TLK2: variants seen among roughly 807,000 people sequenced by gnomAD.
TLK2 encodes tousled like kinase 2, also known as serine/threonine-protein kinase tousled-like 2.
A neutral mutation model predicts 117.3 loss-of-function variants in TLK2; 6 were observed. That is an observed-to-expected ratio of 0.05 (90% CI 0.03 to 0.10). The LOEUF is 0.10. TLK2 is among the 10% of genes least tolerant of loss of function. The probability of loss-of-function intolerance (pLI) is 1.00; values close to 1 mark genes in which losing one functional copy is unlikely to be tolerated. For missense variants in TLK2, 299 were observed against 901.2 expected, an observed-to-expected ratio of 0.33 and a Z score of 8.56; for synonymous variants, 257 against 316.7, an observed-to-expected ratio of 0.81 and a Z score of 2.00.
At chr17:62,575,675 T>TTC (rs1052693731) in intron 12 of TLK2, among the ~76,000 whole-genome samples, 7 of 151,784 alleles carry the variant, frequency 4.6e-5, no homozygotes, top group Non-Finnish European at 1.0e-4. Context: ...CTTTCTGTCT[T>TTC]TCTCTCTCTC....
At chr17:62,547,566 T>G (rs1014683491) in intron 7 of TLK2, among the ~76,000 whole-genome samples, 3 of 152,212 alleles carry the variant, frequency 2.0e-5, no homozygotes, top group Admixed American at 2.0e-4. Flanking sequence ...GATTTTCTGC[T>G]TCCCAACTGA....
intron 2 of TLK2, among the ~76,000 whole-genome samples, chr17:62,519,293 C>T (rs1017917106): frequency 3.3e-5 from 5 of 152,176 alleles, no homozygotes; most frequent in Non-Finnish European, 5.9e-5. Context: ...TTCTTTCCCT[C>T]GTTGAATTGT....
At chr17:62,578,165 T>C (rs1046486355) in intron 13 of TLK2, among the ~76,000 whole-genome samples, 1 of 152,234 alleles carries the variant, frequency 6.6e-6, no homozygotes, top group African/African-American at 2.4e-5. Flanking sequence ...TAAATGTATA[T>C]GCACAAAACA....
At chr17:62,566,570 G>A (rs2079813464) in intron 11 of TLK2, among the ~76,000 whole-genome samples, 1 of 152,190 alleles carries the variant, frequency 6.6e-6, no homozygotes, top group South Asian at 2.1e-4. Flanking sequence ...GCCGGCACCA[G>A]ACATTCAGAG....
chr17:62,535,174 C>G (rs970855476), intron 6 of TLK2, among the ~76,000 whole-genome samples: 7 of 152,138 alleles, frequency 4.6e-5, no homozygotes, highest in Non-Finnish European at 8.8e-5. Flanking sequence ...AGGCATGAGC[C>G]ATTGTGCCTT....
At chr17:62,484,406 C>T (rs1217353484) in intron 2 of TLK2, among the ~76,000 whole-genome samples, 1 of 151,874 alleles carries the variant, frequency 6.6e-6, no homozygotes, top group Non-Finnish European at 1.5e-5. Flanking sequence ...AAGCAATTCT[C>T]GTGCCTCAGC....
At position 62,614,707 on chromosome 17, in the gene TLK2, A is replaced by G. The variant is rs2084008949; in HGVS notation, c.*2142A>G. The G allele has an allele frequency of 6.6e-6, 1 of 152,176 alleles. No individual in the cohort carries two copies. 9.4% of individuals were successfully genotyped at this position (152,176 alleles called of 1,614,324 possible). On this transcript the variant is annotated 3_prime_UTR_variant, in exon 22 of 22. Transcript: ENST00000346027. The stretch of plus-strand genomic sequence containing the variant: ...AGCTTTCTAAAACTACTTTATTACA[A>G]TTTATATGTATATACACATGCACAT...
chr17:62,487,824 T>C lies in TLK2; in HGVS notation c.81+6618T>C, dbSNP rs893335620. Among the ~76,000 whole-genome samples, 7 of 152,056 alleles carry C rather than the reference T, an allele frequency of 4.6e-5. No homozygotes were observed. In the Middle Eastern group the frequency reaches 0.014, roughly 296 times the overall value. Reference sequence around the variant, plus strand: ...TTTTATTAGAGGTGGGGTTTCTTCATGTTGGTCAGGTTGTTCTTGAACTTC... The same window carrying C: ...TTTTATTAGAGGTGGGGTTTCTTCACGTTGGTCAGGTTGTTCTTGAACTTC... On this transcript the variant is annotated intron_variant, in intron 2 of 21. Transcript: ENST00000346027.
Position 62,601,713 on chromosome 17 carries a change from C to A in TLK2, c.1721-329C>A, listed in dbSNP as rs1174877929. 2.0e-5 allele frequency among the ~76,000 whole-genome samples: 3 copies of A among 152,184 alleles called. No individual in the cohort carries two copies. The East Asian group carries it at 5.8e-4, about 29-fold the overall frequency. On this transcript the variant is annotated intron_variant, in intron 18 of 21. Coordinates refer to ENST00000346027, the MANE Select transcript of TLK2 (RefSeq NM_006852.6). The stretch of plus-strand genomic sequence containing the variant: ...GTTCTAAACAGGGTAGTTTAGAGAT[C>A]CTCACTGAAAGTTCAGATGAAAGTT...
intron 1 of TLK2, among the ~76,000 whole-genome samples, chr17:62,471,820 C>T (rs531041275): frequency 6.9e-6 from 1 of 145,106 alleles, no homozygotes; most frequent in African/African-American, 2.6e-5. Context: ...GGAGGGGGAG[C>T]AGTCCTTTTT....
At chr17:62,499,702 T>C (rs2074024116) in intron 2 of TLK2, among the ~76,000 whole-genome samples, 1 of 151,864 alleles carries the variant, frequency 6.6e-6, no homozygotes, top group Non-Finnish European at 1.5e-5. Context: ...ATACAAAAAA[T>C]TAGCCGGGCA....
chr17:62,501,469 A>G (rs1411452328), intron 2 of TLK2, among the ~76,000 whole-genome samples: 3 of 152,078 alleles, frequency 2.0e-5, no homozygotes, highest in African/African-American at 7.2e-5. Context: ...GAGGTGGCTC[A>G]CTCCTGTAAT....
At chr17:62,569,363 A>T (rs1266308672) in intron 11 of TLK2, among the ~76,000 whole-genome samples, 2 of 150,564 alleles carry the variant, frequency 1.3e-5, no homozygotes, top group Non-Finnish European at 3.0e-5. Flanking sequence ...GAAGTTTCAG[A>T]CCTCTCAGAG....
At chr17:62,474,054 C>T (rs1394646761), upstream of TLK2, among the ~76,000 whole-genome samples, 5 of 152,046 alleles carry the variant, frequency 3.3e-5, no homozygotes, top group African/African-American at 1.2e-4. Flanking sequence ...TGGCAACATG[C>T]GCATCTAACT....
intron 19 of TLK2, among the ~76,000 whole-genome samples, chr17:62,603,035 G>T (rs1479443541): frequency 1.3e-5 from 2 of 152,150 alleles, no homozygotes; most frequent in Non-Finnish European, 2.9e-5. Flanking sequence ...TGCTTCAAGA[G>T]TTGCAAGAGA....
chr17:62,576,661 A>C, intron 12 of TLK2, 48 bp from the exon 13 acceptor site: 4 of 1,430,776 alleles, frequency 2.8e-6, no homozygotes, highest in Non-Finnish European at 3.9e-6. Flanking sequence ...TAAACAGGCA[A>C]ACTATGATTT....
chr17:62,539,762 CA>C (rs921440566), intron 7 of TLK2, among the ~76,000 whole-genome samples: 18 of 152,276 alleles, frequency 1.2e-4, no homozygotes, highest in African/African-American at 4.3e-4. Context: ...TCGGCCTCCC[CA>C]AAGTTCTGGG....
chr17:62,522,590 T>A (rs1348144610), intron 4 of TLK2, among the ~76,000 whole-genome samples: 1 of 152,226 alleles, frequency 6.6e-6, no homozygotes. Context: ...TGTCTTTTGT[T>A]AGATCAGTGA....
intron 7 of TLK2, among the ~76,000 whole-genome samples, chr17:62,541,986 C>G (rs2077568466): frequency 6.6e-6 from 1 of 152,218 alleles, no homozygotes; most frequent in African/African-American, 2.4e-5. Flanking sequence ...TGACCTCTCA[C>G]TTTTAACTTT....
Sources: allele counts gnomAD v4.1 joint callset (sites outside exome capture counted in the v4.1 genomes callset), GRCh38; gene constraint gnomAD v4.1.1; transcripts MANE v1.5; gene names NCBI Gene and HGNC (gene_info 2026-07-23, HGNC 2026-07-21).